The following ACAA1 variants were observed in gnomAD, a reference collection of about 807,000 sequenced individuals.
ACAA1 encodes the protein acetyl-CoA acyltransferase 1, also known as 3-ketoacyl-CoA thiolase, peroxisomal.
Under a neutral mutation model 48.8 loss-of-function variants are expected in ACAA1, and 44 were observed. The ratio of observed to expected loss-of-function variants is 0.90; its 90% CI spans 0.71 to 1.16. ACAA1 has a LOEUF of 1.16. ACAA1 is among the 50% of genes most tolerant of loss of function. ACAA1 has a pLI of 0.00. For missense variants in ACAA1, 512 were observed against 562.3 expected, an observed-to-expected ratio of 0.91 and a Z score of 0.90; for synonymous variants, 233 against 226.5, an observed-to-expected ratio of 1.03 and a Z score of -0.26.
At position 38,126,203 on chromosome 3, in the gene ACAA1, A is replaced by T. The variant is rs140127056; in HGVS notation, c.956T>A (p.Ile319Asn). Reference protein sequence around the residue: ...VVGVPPDIMGIGPAYAIPVAL... With the variant: ...VVGVPPDIMGNGPAYAIPVAL... ...TACTGGGATGGCATAGGCAGGTCCA[A>T]TGCCCATGATGTCAGGTGGGACCCC... The change falls in exon 9 of 12, where the codon ATT (isoleucine) becomes AAT (asparagine). Residue 319 changes from isoleucine to asparagine, a missense_variant. Coordinates refer to ENST00000333167, the MANE Select transcript of ACAA1 (RefSeq NM_001607.4). The surrounding 1 kb of genome is among the most constrained non-coding windows in gnomAD (Gnocchi z 4.7). The T allele has an allele frequency of 6.2e-7, 1 of 1,614,188 alleles. No individual in the cohort carries two copies. Among genetic ancestry groups the T allele is most frequent in the Admixed American group, 1.7e-5 (1 of 60,024 alleles).
chr3:38,130,332 T>C (rs1042182940), intron 5 of ACAA1, among the ~76,000 whole-genome samples: 1 of 152,262 alleles, frequency 6.6e-6, no homozygotes, highest in South Asian at 2.1e-4. Flanking sequence ...GTGTAAACTG[T>C]TGCTATTACT....
chr3:38,136,311 C>G (rs1700891739), intron 2 of ACAA1, among the ~76,000 whole-genome samples: 1 of 152,088 alleles, frequency 6.6e-6, no homozygotes, highest in African/African-American at 2.4e-5. Context: ...CTCCCCTTGC[C>G]GAGATAGTGA....
At position 38,126,343 on chromosome 3, in the gene ACAA1, T is replaced by C. The variant is rs775738321; in HGVS notation, c.818-2A>G. The C allele has an allele frequency of 2.5e-6, 4 of 1,613,288 alleles. No individual in the cohort carries two copies. The highest frequency in any genetic ancestry group is 3.4e-6 in the Non-Finnish European group (4 of 1,179,538). On this transcript the variant is annotated splice_acceptor_variant, in intron 8 of 11. Transcript: ENST00000333167. LOFTEE classifies it high-confidence loss of function. The surrounding 1 kb of genome is among the most constrained non-coding windows in gnomAD (Gnocchi z 4.7). ...CATCACTCACCTGGCTAGAGTTTCC[T>C]AGGGGCAAACTGTTGGGGTAAGAAG...
At chr3:38,135,901 T>G (rs965448415) in intron 2 of ACAA1, among the ~76,000 whole-genome samples, 4 of 152,118 alleles carry the variant, frequency 2.6e-5, no homozygotes, top group Non-Finnish European at 4.4e-5. Context: ...GACTGTAAGG[T>G]CTTTCCCTTC....
chr3:38,131,558 A>T (rs781330047), intron 5 of ACAA1, 38 bp downstream of exon 5: 1 of 1,608,392 alleles, frequency 6.2e-7, no homozygotes, highest in Non-Finnish European at 8.5e-7. Context: ...TTATTGTCAC[A>T]AGTTGGTTAA....
intron 6 of ACAA1, 34 bp from the exon 7 acceptor site, chr3:38,127,900 G>A: frequency 6.2e-7 from 1 of 1,609,908 alleles, no homozygotes; most frequent in Non-Finnish European, 8.5e-7. Flanking sequence ...GTGGGCATTG[G>A]TCTGACAGCC....
rs746207171 is a variant in ACAA1 at position 38,133,540 on chromosome 3, C to T, written c.323+412G>A. 1.2e-4 allele frequency: 20 copies of T among 171,682 alleles called. 1 individual carries two copies. The highest frequency in any genetic ancestry group is 2.2e-4 in the Non-Finnish European group (18 of 80,382). The allele number at this position is 171,682 out of a possible 1,614,324, so 10.6% of individuals were successfully genotyped here. ...GACCAGGTCTCCTCCTGAGGGTCCTCCTTCCCCATGGTTCTGCCCTATCCC... is the reference window on the plus strand; with the variant it reads ...GACCAGGTCTCCTCCTGAGGGTCCTTCTTCCCCATGGTTCTGCCCTATCCC... On this transcript the variant is annotated intron_variant, in intron 3 of 11. Coordinates refer to ENST00000333167, the MANE Select transcript of ACAA1 (RefSeq NM_001607.4).
At chr3:38,132,075 A>G (rs1559478733) in intron 3 of ACAA1, 70 bp from the exon 4 acceptor site, 6 of 1,413,638 alleles carry the variant, frequency 4.2e-6, no homozygotes, top group Non-Finnish European at 6.0e-6. Context: ...AAGCAGTCCT[A>G]TGCTTCTAAC....
chr3:38,124,217 CTG>C (rs1012457576), intron 11 of ACAA1: 3 of 152,146 alleles, frequency 2.0e-5, no homozygotes, highest in African/African-American at 7.2e-5. Context: ...TAAAAGCAAA[CTG>C]TATAAATTGC....
intron 7 of ACAA1, chr3:38,127,493 T>TC: frequency 2.2e-6 from 1 of 463,674 alleles, no homozygotes; most frequent in South Asian, 2.1e-5. Context: ...GGCCCCACAC[T>TC]CCAGGCTACA....
At position 38,122,715 on chromosome 3, in the gene ACAA1, T is replaced by TA. The variant is rs1700555868; in HGVS notation, c.*331dup. ...TGGAAAAAAACCACAGCCACTAAGA[T>TA]AAATTCATGCACTTTTACTATGCCC... On this transcript the variant is annotated 3_prime_UTR_variant, in exon 12 of 12. Transcript: ENST00000333167. 7.3e-7 allele frequency: 1 copy of TA among 1,373,440 alleles called. No homozygotes were observed. The highest frequency in any genetic ancestry group is 1.5e-5 in the South Asian group (1 of 65,562). 85.1% of individuals were successfully genotyped at this position (1,373,440 alleles called of 1,614,324 possible).
chr3:38,123,249 G>T, intron 11 of ACAA1, 127 bp from the exon 12 acceptor site: 1 of 854,652 alleles, frequency 1.2e-6, no homozygotes, highest in Non-Finnish European at 1.9e-6. Flanking sequence ...GTGGGCAAGC[G>T]GTACCCTGGC....
chr3:38,125,573 A>C lies in ACAA1; in HGVS notation c.1191T>G (p.Arg397=). The C allele has an allele frequency of 6.4e-7, 1 of 1,553,118 alleles. No homozygotes were observed. The highest frequency in any genetic ancestry group is 8.7e-7 in the Non-Finnish European group (1 of 1,150,736). ...CAGGAGCAAAGCCTTACCTCTTCCC[A>C]CGGCGCTTCAGCTCATTGAGCAGCG... ...VITLLNELKR[R]GKRAYGVVSM... Residue 397 remains arginine (R), a synonymous_variant, in exon 11 of 12, where the codon CGT becomes CGG. Transcript: ENST00000333167.
At chr3:38,134,331 C>T in intron 2 of ACAA1, 1 of 439,508 alleles carries the variant, frequency 2.3e-6, no homozygotes, top group Admixed American at 3.6e-5. Flanking sequence ...CACATCTCCC[C>T]AGGTATCCTC....
rs369217769 is a variant in ACAA1, at chr3:38,129,647, T to C, written c.447-259A>G. On this transcript the variant is annotated intron_variant, in intron 5 of 11. Transcript: ENST00000333167. This position sits in a 1 kb window ranked among gnomAD's most constrained non-coding sequence, Gnocchi z 5.3. The stretch of plus-strand genomic sequence containing the variant: ...TCCTGGGGGCAGGGCTATGCTTCCC[T>C]ATACACTGCTAAATCAGCCAACTGG... 3.1e-4 allele frequency among the ~76,000 whole-genome samples: 47 copies of C among 152,326 alleles called. 1 individual carries two copies. In the South Asian group the frequency reaches 9.5e-3, roughly 31 times the overall value.
chr3:38,129,749 C>T lies in ACAA1; in HGVS notation c.447-361G>A, dbSNP rs1289843658. On this transcript the variant is annotated intron_variant, in intron 5 of 11. Transcript: ENST00000333167. The surrounding 1 kb of genome is among the most constrained non-coding windows in gnomAD (Gnocchi z 5.3). ...CACAAGCCAGGGCCTGCCCTCAGGG[C>T]CCACAAATTCAGAAGGGAGAAGAGA... Among the ~76,000 whole-genome samples the T allele has an allele frequency of 6.6e-6, 1 of 152,224 alleles. No homozygotes were observed. Among genetic ancestry groups the T allele is most frequent in the African/African-American group, 2.4e-5 (1 of 41,466 alleles).
chr3:38,124,473 G>A lies in ACAA1; in HGVS notation c.1199+1092C>T, dbSNP rs766660369. On this transcript the variant is annotated intron_variant, in intron 11 of 11. Transcript: ENST00000333167. ...ATACGAAAAATTAGCTGGGTGTGGTGGCACCCACGTGTAGTCTCAGCTACT... is the reference window on the plus strand; with the variant it reads ...ATACGAAAAATTAGCTGGGTGTGGTAGCACCCACGTGTAGTCTCAGCTACT... The A allele has an allele frequency of 5.4e-4, 82 of 152,182 alleles. 2 individuals are homozygous for A. The highest frequency in any genetic ancestry group is 5.9e-5 in the Non-Finnish European group (4 of 68,058). 9.4% of individuals were successfully genotyped at this position (152,182 alleles called of 1,614,324 possible).
chr3:38,128,886 C>G lies in ACAA1; in HGVS notation c.545+404G>C, dbSNP rs143094393. 1.1e-4 allele frequency among the ~76,000 whole-genome samples: 17 copies of G among 152,304 alleles called. No individual in the cohort carries two copies. In the East Asian group the frequency reaches 3.3e-3, roughly 29 times the overall value. ...GATTACAGGCATGAGCCATCGCACC[C>G]GGCCAAATGCCACATACTTTTCTTG... On this transcript the variant is annotated intron_variant, in intron 6 of 11. Transcript: ENST00000333167.
At chr3:38,130,174 C>CT (rs2125768123) in intron 5 of ACAA1, among the ~76,000 whole-genome samples, 1 of 152,360 alleles carries the variant, frequency 6.6e-6, no homozygotes, top group East Asian at 1.9e-4. Flanking sequence ...CAAAAAAGGG[C>CT]TTTGAGGCCA....
Sources: allele counts gnomAD v4.1 joint callset (sites outside exome capture counted in the v4.1 genomes callset), GRCh38; gene constraint gnomAD v4.1.1; non-coding constraint Gnocchi (gnomAD v3.1); transcripts MANE v1.5; gene names NCBI Gene and HGNC (gene_info 2026-07-23, HGNC 2026-07-21).